Variants in GPR137C observed in about 807,000 individuals in gnomAD.
GPR137C encodes G protein-coupled receptor 137C.
GPR137C carries 27 observed loss-of-function variants against 43.4 expected under a neutral mutation model. The observed-to-expected ratio is 0.62, with a 90% CI of 0.46 to 0.86. The LOEUF (loss-of-function observed/expected upper bound fraction) is 0.86, where lower values mean the gene tolerates loss of function less well. Among genes scored for constraint, GPR137C ranks in the 40% least tolerant of loss-of-function variants. The probability of loss-of-function intolerance (pLI) is 0.00; values close to 1 mark genes in which losing one functional copy is unlikely to be tolerated. For synonymous variants in GPR137C, 285 were observed against 226.9 expected, an observed-to-expected ratio of 1.26 and a Z score of -2.30; for missense variants, 522 against 534.6, an observed-to-expected ratio of 0.98 and a Z score of 0.23.
intron 1 of GPR137C, among the ~76,000 whole-genome samples, chr14:52,559,755 A>G (rs1306609473): frequency 1.3e-5 from 2 of 152,224 alleles, no homozygotes; most frequent in Admixed American, 6.5e-5. Context: ...AGGTGACACA[A>G]TTTCTTAGGT....
At chr14:52,577,982 G>A (rs188392513) in intron 1 of GPR137C, among the ~76,000 whole-genome samples, 80 of 151,820 alleles carry the variant, frequency 5.3e-4, no homozygotes, top group Non-Finnish European at 7.4e-4. Flanking sequence ...AGCAATAAAG[G>A]TAATATTACA....
chr14:52,560,608 T>C (rs538160265), intron 1 of GPR137C, among the ~76,000 whole-genome samples: 1 of 152,192 alleles, frequency 6.6e-6, no homozygotes, highest in Admixed American at 6.5e-5. Flanking sequence ...GACCCACATA[T>C]ATATAGTCAA....
intron 3 of GPR137C, among the ~76,000 whole-genome samples, chr14:52,606,250 C>T (rs944298486): frequency 1.3e-5 from 2 of 151,998 alleles, no homozygotes; most frequent in African/African-American, 2.4e-5. Context: ...AGGTTTTCTT[C>T]GTTATTCAGT....
intron 1 of GPR137C, among the ~76,000 whole-genome samples, chr14:52,574,241 T>C (rs575355498): frequency 1.2e-4 from 18 of 152,310 alleles, no homozygotes; most frequent in African/African-American, 3.6e-4. Flanking sequence ...GGATTATTAG[T>C]CATTCTACTA....
intron 1 of GPR137C, among the ~76,000 whole-genome samples, chr14:52,581,931 T>G (rs1215798667): frequency 6.6e-6 from 1 of 152,260 alleles, no homozygotes; most frequent in Non-Finnish European, 1.5e-5. Flanking sequence ...CAGTACCTAC[T>G]ATCTTCAAAG....
intron 1 of GPR137C, among the ~76,000 whole-genome samples, chr14:52,576,940 A>T (rs2139473517): frequency 6.6e-6 from 1 of 152,294 alleles, no homozygotes; most frequent in Admixed American, 6.5e-5. Context: ...CTGTAATCCC[A>T]GCACTTTGGG....
At chr14:52,616,406 G>T (rs1566622871) in intron 3 of GPR137C, among the ~76,000 whole-genome samples, 1 of 152,150 alleles carries the variant, frequency 6.6e-6, no homozygotes, top group Non-Finnish European at 1.5e-5. Context: ...GGATTCTCAT[G>T]TGTTATCCCC....
chr14:52,592,739 G>A (rs868574918), intron 1 of GPR137C, among the ~76,000 whole-genome samples: 34 of 152,122 alleles, frequency 2.2e-4, no homozygotes, highest in African/African-American at 6.5e-4. Flanking sequence ...GGGCTGAGAC[G>A]ATGGGGTTTT....
intron 1 of GPR137C, among the ~76,000 whole-genome samples, chr14:52,565,851 C>G (rs1211484462): frequency 1.3e-5 from 2 of 152,160 alleles, no homozygotes; most frequent in Non-Finnish European, 2.9e-5. Context: ...AATCTGGGAA[C>G]CAGAATTCTA....
intron 1 of GPR137C, among the ~76,000 whole-genome samples, chr14:52,575,269 C>A (rs937645962): frequency 6.6e-6 from 1 of 152,126 alleles, no homozygotes; most frequent in South Asian, 2.1e-4. Flanking sequence ...GTAGCATGCA[C>A]CTGTAGTCCC....
At chr14:52,627,613 G>A (rs368082050) in intron 3 of GPR137C, among the ~76,000 whole-genome samples, 12 of 152,116 alleles carry the variant, frequency 7.9e-5, no homozygotes, top group African/African-American at 2.7e-4. Context: ...TTGGGAGGCC[G>A]AGGTGGGTGG....
At chr14:52,594,642 C>G (rs944799373) in intron 1 of GPR137C, among the ~76,000 whole-genome samples, 5 of 152,090 alleles carry the variant, frequency 3.3e-5, no homozygotes, top group Non-Finnish European at 5.9e-5. Flanking sequence ...ATTGCAACCC[C>G]TGCTTTTTTT....
intron 1 of GPR137C, among the ~76,000 whole-genome samples, chr14:52,563,715 TTATC>T (rs982136837): frequency 1.3e-5 from 2 of 152,146 alleles, no homozygotes; most frequent in African/African-American, 4.8e-5. Context: ...TTATATCCAA[TTATC>T]TATATAATTC....
chr14:52,578,610 G>A (rs928273587), intron 1 of GPR137C, among the ~76,000 whole-genome samples: 5 of 151,890 alleles, frequency 3.3e-5, no homozygotes, highest in Non-Finnish European at 7.4e-5. Flanking sequence ...AGACTTTTGA[G>A]CTATCTGGTT....
At position 52,607,695 on chromosome 14, in the gene GPR137C, CA is replaced by C. The variant is rs200575127; in HGVS notation, c.717+7358del. ...TTCAAGACCAGCCTGGCCAACATGG[CA>C]AAACCCCGTCTCTAGTAAAAATACA... On this transcript the variant is annotated intron_variant, in intron 3 of 6. Transcript: ENST00000321662. 3.0e-3 allele frequency among the ~76,000 whole-genome samples: 457 copies of C among 152,098 alleles called. 15 individuals are homozygous for C. The East Asian group carries it at 0.081, about 27-fold the overall frequency.
intron 1 of GPR137C, among the ~76,000 whole-genome samples, chr14:52,586,704 C>T (rs543875255): frequency 3.3e-5 from 5 of 152,250 alleles, no homozygotes; most frequent in African/African-American, 1.2e-4. Context: ...CAGCTGTCAC[C>T]TCTATAGGTG....
At chr14:52,570,519 G>A (rs933363638) in intron 1 of GPR137C, among the ~76,000 whole-genome samples, 21 of 152,188 alleles carry the variant, frequency 1.4e-4, no homozygotes, top group Middle Eastern at 3.4e-3. Flanking sequence ...ATGTAAACGG[G>A]CTAAATTACC....
intron 1 of GPR137C, among the ~76,000 whole-genome samples, chr14:52,577,183 C>CAAAAAAAAAAAAAA (rs34249999): frequency 1.5e-4 from 6 of 41,174 alleles, no homozygotes; most frequent in African/African-American, 4.1e-4. Context: ...TAAGACTCCT[C>CAAAAAAAAAAAAAA]AAAAAAAAAA....
intron 3 of GPR137C, among the ~76,000 whole-genome samples, chr14:52,628,849 G>A (rs559716874): frequency 6.6e-6 from 1 of 152,204 alleles, no homozygotes; most frequent in African/African-American, 2.4e-5. Flanking sequence ...AAAATGCAAA[G>A]ACAGGCCACA....
Sources: gnomAD v4.1 joint callset for allele counts (sites outside exome capture counted in the v4.1 genomes callset) on GRCh38, gnomAD v4.1.1 for gene constraint, MANE v1.5 for transcripts, NCBI Gene and HGNC (gene_info 2026-07-23, HGNC 2026-07-21) for gene names.